DES: variants seen among roughly 807,000 people sequenced by gnomAD.
DES encodes the protein cardiomyopathy, dilated 1F (autosomal dominant).
Under a neutral mutation model 55.1 loss-of-function variants are expected in DES, and 34 were observed. The observed-to-expected ratio is 0.62, with a 90% CI of 0.47 to 0.82. The LOEUF is 0.82. DES is among the 40% of genes least tolerant of loss of function. The pLI is 0.00. For missense variants in DES, 596 were observed against 645.9 expected (o/e 0.92, Z 0.84); for synonymous variants, 259 against 270.8 (o/e 0.96, Z 0.43).
Position 219,420,712 on chromosome 2 carries a change from T to G in DES, c.897+56T>G. The stretch of plus-strand genomic sequence containing the variant: ...CCGTCCCCCTGAATCCCAGCTTGGA[T>G]GTGCTGCCTGTGGTACCATCCATGG... On this transcript the variant is annotated intron_variant, in intron 4 of 8. Coordinates refer to ENST00000373960, the MANE Select transcript of DES (RefSeq NM_001927.4). The surrounding 1 kb of genome is among the most constrained non-coding windows in gnomAD (Gnocchi z 6.0). The G allele has an allele frequency of 6.2e-7, 1 of 1,613,852 alleles. No individual in the cohort carries two copies. The highest frequency in any genetic ancestry group is 8.5e-7 in the Non-Finnish European group (1 of 1,179,920).
Position 219,420,154 on chromosome 2 carries a change from C to A in DES, c.638C>A (p.Ala213Glu). 3 of 1,614,230 alleles carry A rather than the reference C, an allele frequency of 1.9e-6. No homozygotes were observed. The highest frequency in any genetic ancestry group is 2.5e-6 in the Non-Finnish European group (3 of 1,180,032). ...GAGAACAATTTGGCTGCCTTCCGAG[C>A]GGTGAGTGCCCTTCTTTTCCCCTTG... Reference protein sequence around the residue: ...EAENNLAAFRADVDAATLARI... With the variant: ...EAENNLAAFREDVDAATLARI... Residue 213 changes from alanine to glutamate, a missense_variant and splice_region_variant, in exon 2 of 9, where the codon GCG becomes GAG. Physicochemically the swap from Ala to Glu is moderately radical, Grantham distance 107. Transcript: ENST00000373960. This position sits in a 1 kb window ranked among gnomAD's most constrained non-coding sequence, Gnocchi z 6.0.
At position 219,419,998 on chromosome 2, in the gene DES, C is replaced by A; in HGVS notation, c.579-97C>A. The A allele has an allele frequency of 7.4e-7, 1 of 1,342,656 alleles. No homozygotes were observed. The allele number at this position is 1,342,656 out of a possible 1,614,324, so 83.2% of individuals were successfully genotyped here. A position where few individuals can be genotyped will look rare whatever the true frequency, so the allele number is the denominator to read the frequency against. Reference sequence around the variant, plus strand: ...TACCCAGCAGCCAGGCCCTCCCGCTCTGTCCTGGACCCACCCCCTGGTCAG... The same window carrying A: ...TACCCAGCAGCCAGGCCCTCCCGCTATGTCCTGGACCCACCCCCTGGTCAG... On this transcript the variant is annotated intron_variant, in intron 1 of 8. Transcript: ENST00000373960. The surrounding 1 kb of genome is among the most constrained non-coding windows in gnomAD (Gnocchi z 4.3).
rs181712657 is a variant in DES, at chr2:219,420,235, G to T, written c.640-16G>T. 1.2e-6 allele frequency: 2 copies of T among 1,614,172 alleles called. No individual in the cohort carries two copies. Among genetic ancestry groups the T allele is most frequent in the Non-Finnish European group, 1.7e-6 (2 of 1,180,024 alleles). ...GGGTGGCGGTGACCATGTCCTTCTC[G>T]CTTGGCCTCTCCCAGGACGTGGATG... is the stretch of plus-strand genomic sequence containing the variant. On this transcript the variant is annotated splice_polypyrimidine_tract_variant and intron_variant, in intron 2 of 8. Transcript: ENST00000373960. The surrounding 1 kb of genome is among the most constrained non-coding windows in gnomAD (Gnocchi z 6.0).
At position 219,423,771 on chromosome 2, in the gene DES, T is replaced by C. The variant is rs1369039942; in HGVS notation, c.1245-6T>C. ...CTCTTAGGAGGTTTTGTCTCTTCCC[T>C]TTTAGGATCAATCTCCCCATCCAGA... On this transcript the variant is annotated splice_polypyrimidine_tract_variant and splice_region_variant and intron_variant, in intron 6 of 8. Coordinates refer to ENST00000373960, the MANE Select transcript of DES (RefSeq NM_001927.4). 6.2e-7 allele frequency: 1 copy of C among 1,613,318 alleles called. No homozygotes were observed. The highest frequency in any genetic ancestry group is 8.5e-7 in the Non-Finnish European group (1 of 1,179,406).
chr2:219,418,873 C>A lies in DES; in HGVS notation c.411C>A (p.Ala137=). The part of the protein sequence containing the change: ...RFLEQQNAAL[A]AEVNRLKGRE... ...TGGAGCAGCAGAACGCGGCGCTCGC[C>A]GCCGAAGTGAACCGGCTCAAGGGCC... is the stretch of plus-strand genomic sequence containing the variant. Residue 137 remains alanine (A), a synonymous_variant, in exon 1 of 9, where the codon GCC becomes GCA. Transcript: ENST00000373960. 1 of 1,573,808 alleles carries A rather than the reference C, an allele frequency of 6.4e-7. No individual in the cohort carries two copies. Among genetic ancestry groups the A allele is most frequent in the Non-Finnish European group, 8.6e-7 (1 of 1,160,188 alleles).
intron 6 of DES, among the ~76,000 whole-genome samples, chr2:219,421,952 C>T (rs1954453865): frequency 6.6e-6 from 1 of 152,180 alleles, no homozygotes; most frequent in African/African-American, 2.4e-5. Context: ...AGGCGTGAGC[C>T]ACCGCACCCG....
At position 219,425,988 on chromosome 2, in the gene DES, TA is replaced by T. The variant is rs1444585729; in HGVS notation, c.*1del. ...EATQQQHEVL* is the reference protein window; with the variant it reads ...EATQQQHEVLX Reference sequence around the variant, plus strand: ...CACACAGCAGCAGCATGAAGTGCTCTAAAGACAGAGACCCTCTGCCACCAGA... The same window carrying T: ...CACACAGCAGCAGCATGAAGTGCTCTAAGACAGAGACCCTCTGCCACCAGA... On this transcript the variant is annotated frameshift_variant and stop_lost, in exon 9 of 9. Coordinates refer to ENST00000373960, the MANE Select transcript of DES (RefSeq NM_001927.4). LOFTEE classifies it high-confidence loss of function. 3 of 1,614,024 alleles carry T rather than the reference TA, an allele frequency of 1.9e-6. No homozygotes were observed. The highest frequency in any genetic ancestry group is 1.7e-5 in the Admixed American group (1 of 60,020).
intron 6 of DES, 111 bp from the exon 7 acceptor site, chr2:219,423,663 TCTC>T (rs1314752038): frequency 1.0e-6 from 1 of 981,210 alleles, no homozygotes; most frequent in Non-Finnish European, 1.6e-6. Context: ...ATGGTCTCGA[TCTC>T]CTGACCTGGT....
Position 219,421,523 on chromosome 2 carries a change from G to T in DES, c.1207G>T (p.Ala403Ser). Residue 403 changes from alanine to serine, a missense_variant, in exon 6 of 9, where the codon GCC becomes TCC. Coordinates refer to ENST00000373960, the MANE Select transcript of DES (RefSeq NM_001927.4). ...NVKMALDVEI[A>S]TYRKLLEGEE... is the part of the protein sequence containing the mutation. ...GAAGATGGCCCTGGATGTGGAGATT[G>T]CCACCTACCGGAAGCTGCTGGAGGG... 1.2e-6 allele frequency: 2 copies of T among 1,614,094 alleles called. No individual in the cohort carries two copies. The highest frequency in any genetic ancestry group is 1.7e-6 in the Non-Finnish European group (2 of 1,180,018).
Position 219,419,270 on chromosome 2 carries a change from G to C in DES, c.578+230G>C, listed in dbSNP as rs1449714835. On this transcript the variant is annotated intron_variant, in intron 1 of 8. Transcript: ENST00000373960. The surrounding 1 kb of genome is among the most constrained non-coding windows in gnomAD (Gnocchi z 4.3). Reference sequence around the variant, plus strand: ...GGAGTTTTCTTGGGGACATAGATCAGGGGGTGGATATGGGAGAATTTAGGG... The same window carrying C: ...GGAGTTTTCTTGGGGACATAGATCACGGGGTGGATATGGGAGAATTTAGGG... Among the ~76,000 whole-genome samples the C allele has an allele frequency of 1.3e-5, 2 of 152,216 alleles. No homozygotes were observed. Among genetic ancestry groups the C allele is most frequent in the Non-Finnish European group, 2.9e-5 (2 of 68,008 alleles).
chr2:219,420,099 CAGG>C lies in DES; in HGVS notation c.589_591del (p.Glu197del), dbSNP rs1954405702. 1.2e-6 allele frequency: 2 copies of C among 1,614,208 alleles called. No individual in the cohort carries two copies. The highest frequency in any genetic ancestry group is 1.7e-6 in the Non-Finnish European group (2 of 1,180,032). ...CTTTCTGTCTGTCCCACCCAGGCTG[CAGG>C]AGGAGATTCAGTTGAAGGAAGAAGC... On this transcript the variant is annotated inframe_deletion, in exon 2 of 9. Coordinates refer to ENST00000373960, the MANE Select transcript of DES (RefSeq NM_001927.4). This position sits in a 1 kb window ranked among gnomAD's most constrained non-coding sequence, Gnocchi z 6.0.
At position 219,420,242 on chromosome 2, in the gene DES, C is replaced by T; in HGVS notation, c.640-9C>T. 3 of 1,614,190 alleles carry T rather than the reference C, an allele frequency of 1.9e-6. No homozygotes were observed. The highest frequency in any genetic ancestry group is 1.3e-5 in the African/African-American group (1 of 75,056). ...GGTGACCATGTCCTTCTCGCTTGGC[C>T]TCTCCCAGGACGTGGATGCAGCTAC... is the stretch of plus-strand genomic sequence containing the variant. On this transcript the variant is annotated splice_polypyrimidine_tract_variant and intron_variant, in intron 2 of 8. Transcript: ENST00000373960. This position sits in a 1 kb window ranked among gnomAD's most constrained non-coding sequence, Gnocchi z 6.0.
At position 219,418,432 on chromosome 2, in the gene DES, T is replaced by G; in HGVS notation, c.-31T>G. Reference sequence around the variant, plus strand: ...GGCCGCCTGCCCGCCGCCTCCTCCGTGCGCCCGCCAGCCTCGCCCGCGCCG... The same window carrying G: ...GGCCGCCTGCCCGCCGCCTCCTCCGGGCGCCCGCCAGCCTCGCCCGCGCCG... On this transcript the variant is annotated 5_prime_UTR_variant, in exon 1 of 9. Coordinates refer to ENST00000373960, the MANE Select transcript of DES (RefSeq NM_001927.4). 3 of 1,552,336 alleles carry G rather than the reference T, an allele frequency of 1.9e-6. No homozygotes were observed. Among genetic ancestry groups the G allele is most frequent in the Non-Finnish European group, 2.6e-6 (3 of 1,159,220 alleles).
intron 7 of DES, among the ~76,000 whole-genome samples, chr2:219,424,029 G>A (rs1331157310): frequency 6.6e-6 from 1 of 152,350 alleles, no homozygotes; most frequent in South Asian, 2.1e-4. Context: ...AGCTTTTTAT[G>A]TGATTATATT....
chr2:219,425,782 G>A (rs1420626986), intron 8 of DES, 37 bp downstream of exon 8: 1 of 1,606,638 alleles, frequency 6.2e-7, no homozygotes, highest in South Asian at 1.1e-5. Context: ...CCTTGGTGGG[G>A]GCTATGGATG....
At position 219,418,403 on chromosome 2, in the gene DES, G is replaced by T; in HGVS notation, c.-60G>T. On this transcript the variant is annotated 5_prime_UTR_variant, in exon 1 of 9. Coordinates refer to ENST00000373960, the MANE Select transcript of DES (RefSeq NM_001927.4). Reference sequence around the variant, plus strand: ...TCTCCCCTCGCCGCATCCACTCTCCGGCCGGCCGCCTGCCCGCCGCCTCCT... The same window carrying T: ...TCTCCCCTCGCCGCATCCACTCTCCTGCCGGCCGCCTGCCCGCCGCCTCCT... 6.6e-7 allele frequency: 1 copy of T among 1,506,042 alleles called. No homozygotes were observed. Among genetic ancestry groups the T allele is most frequent in the Non-Finnish European group, 8.8e-7 (1 of 1,132,922 alleles). 93.3% of individuals were successfully genotyped at this position (1,506,042 alleles called of 1,614,324 possible).
In DES at chr2:219,420,396, C is replaced by G; in HGVS notation, c.735+50C>G. ...GGTCACTGGGCCATGGGGAAAGCAGCCGGAAAGTGGGGTTGGGGTGAGGCT... is the reference window on the plus strand; with the variant it reads ...GGTCACTGGGCCATGGGGAAAGCAGGCGGAAAGTGGGGTTGGGGTGAGGCT... On this transcript the variant is annotated intron_variant, in intron 3 of 8. Coordinates refer to ENST00000373960, the MANE Select transcript of DES (RefSeq NM_001927.4). The surrounding 1 kb of genome is among the most constrained non-coding windows in gnomAD (Gnocchi z 6.0). The G allele has an allele frequency of 6.2e-7, 1 of 1,612,114 alleles. No homozygotes were observed.
rs1234102861 is a variant in DES at position 219,426,198 on chromosome 2, G to C, written c.*208G>C. 6.0e-6 allele frequency: 4 copies of C among 668,162 alleles called. No homozygotes were observed. The African/African-American group carries it at 7.0e-5, about 12-fold the overall frequency. 41.4% of individuals were successfully genotyped at this position (668,162 alleles called of 1,614,324 possible). On this transcript the variant is annotated 3_prime_UTR_variant, in exon 9 of 9. Transcript: ENST00000373960. The surrounding 1 kb of genome is among the most constrained non-coding windows in gnomAD (Gnocchi z 4.5). ...CACAGGGCATGCCCCGGCCACCTCT[G>C]CGGACCCCAGCTGTGAGCCTTGGCT...
intron 7 of DES, 138 bp downstream of exon 7, chr2:219,423,958 AC>A: frequency 1.1e-6 from 1 of 942,354 alleles, no homozygotes; most frequent in Admixed American, 1.9e-5. Flanking sequence ...GAAAAAGGGG[AC>A]CACTGCGGGT....
Sources: gnomAD v4.1 joint callset for allele counts (sites outside exome capture counted in the v4.1 genomes callset) on GRCh38, gnomAD v4.1.1 for gene constraint, Gnocchi (gnomAD v3.1) non-coding constraint, MANE v1.5 for transcripts, NCBI Gene and HGNC (gene_info 2026-07-23, HGNC 2026-07-21) for gene names.